Variants in NARS2 observed in about 807,000 individuals in gnomAD.
The protein encoded by NARS2 is asparaginyl-tRNA synthetase.
A neutral mutation model predicts 62.9 loss-of-function variants in NARS2; 60 were observed. That is an observed-to-expected ratio of 0.95 (90% CI 0.77 to 1.18). The LOEUF (loss-of-function observed/expected upper bound fraction) is 1.18, where lower values mean the gene tolerates loss of function less well. Among genes scored for constraint, NARS2 ranks in the 50% most tolerant of loss-of-function variants. The probability of loss-of-function intolerance (pLI) is 0.00; values close to 1 mark genes in which losing one functional copy is unlikely to be tolerated. For missense variants in NARS2, 619 were observed against 576.4 expected (o/e 1.07, Z -0.76); for synonymous variants, 196 against 200.0 (o/e 0.98, Z 0.17).
chr11:78,505,081 A>G (rs1860435753), intron 6 of NARS2, among the ~76,000 whole-genome samples: 1 of 151,964 alleles, frequency 6.6e-6, no homozygotes, highest in Non-Finnish European at 1.5e-5. Flanking sequence ...AAACCACTAA[A>G]TTTTCTGAAT....
At chr11:78,543,367 C>G (rs4945291) in intron 5 of NARS2, among the ~76,000 whole-genome samples, 1 of 151,922 alleles carries the variant, frequency 6.6e-6, no homozygotes, top group Non-Finnish European at 1.5e-5. Context: ...CCAACAAAAA[C>G]CAATTTCCCC....
In NARS2 at chr11:78,475,580, CTTT is replaced by C. The variant is rs377023107; in HGVS notation, c.959+2855_959+2857del. Among the ~76,000 whole-genome samples, 777 of 93,712 alleles carry C rather than the reference CTTT, an allele frequency of 8.3e-3. 1 individual carries two copies. Among genetic ancestry groups the C allele is most frequent in the African/African-American group, 0.031 (735 of 23,526 alleles). The allele number at this position is 93,712 out of a possible 152,430, so 61.5% of individuals were successfully genotyped here. A position where few individuals can be genotyped will look rare whatever the true frequency, so the allele number is the denominator to read the frequency against. ...TTTGCCAACACCTGTTATCATTTGACTTTTTTTTTTTTTTTTTTTTTTTTTTTT... is the reference window on the plus strand; with the variant it reads ...TTTGCCAACACCTGTTATCATTTGACTTTTTTTTTTTTTTTTTTTTTTTTT... On this transcript the variant is annotated intron_variant, in intron 9 of 13. Coordinates refer to ENST00000281038, the MANE Select transcript of NARS2 (RefSeq NM_024678.6).
chr11:78,554,508 C>CGTGCGTGTGTGTGT (rs112168447), intron 5 of NARS2, among the ~76,000 whole-genome samples: 22 of 146,914 alleles, frequency 1.5e-4, no homozygotes, highest in Non-Finnish European at 2.2e-4. Flanking sequence ...GGCGTGTGTG[C>CGTGCGTGTGTGTGT]GTGTGTGTGT....
intron 9 of NARS2, among the ~76,000 whole-genome samples, chr11:78,473,032 G>T (rs1055249445): frequency 2.6e-5 from 4 of 152,162 alleles, no homozygotes; most frequent in Non-Finnish European, 5.9e-5. Context: ...CGGGTGTGGT[G>T]GCCTGCACCA....
At chr11:78,523,559 A>C (rs189008525) in intron 6 of NARS2, among the ~76,000 whole-genome samples, 1 of 152,326 alleles carries the variant, frequency 6.6e-6, no homozygotes, top group Admixed American at 6.5e-5. Context: ...AGTAGAAACA[A>C]CCCAAATGCT....
chr11:78,463,368 G>A (rs1296218802), intron 11 of NARS2, among the ~76,000 whole-genome samples: 1 of 152,124 alleles, frequency 6.6e-6, no homozygotes, highest in East Asian at 1.9e-4. Flanking sequence ...CCATGTTATA[G>A]CTAATTTTGT....
At chr11:78,450,557 G>C (rs1483018492) in intron 11 of NARS2, among the ~76,000 whole-genome samples, 3 of 151,502 alleles carry the variant, frequency 2.0e-5, no homozygotes, top group Non-Finnish European at 2.9e-5. Context: ...TATCTTTTGA[G>C]CAAAGCATTC....
At chr11:78,524,131 T>C (rs1301084828) in intron 6 of NARS2, among the ~76,000 whole-genome samples, 2 of 152,130 alleles carry the variant, frequency 1.3e-5, no homozygotes, top group African/African-American at 2.4e-5. Context: ...CTTTAAAATA[T>C]TTTTTAAAAA....
chr11:78,499,573 G>A (rs1860206380), intron 6 of NARS2, among the ~76,000 whole-genome samples: 1 of 152,202 alleles, frequency 6.6e-6, no homozygotes. Flanking sequence ...AACAGCATCA[G>A]TTTTTAAAAA....
At chr11:78,466,702 T>C (rs1207173805) in intron 10 of NARS2, among the ~76,000 whole-genome samples, 1 of 152,104 alleles carries the variant, frequency 6.6e-6, no homozygotes, top group Non-Finnish European at 1.5e-5. Context: ...AGGCTGGTCT[T>C]GAACTCCTGA....
chr11:78,511,652 G>A (rs1196258107), intron 6 of NARS2, among the ~76,000 whole-genome samples: 1 of 151,862 alleles, frequency 6.6e-6, no homozygotes, highest in Non-Finnish European at 1.5e-5. Context: ...CGGAGGCGGA[G>A]CTTGCAGTGA....
chr11:78,509,053 T>G (rs1271609875), intron 6 of NARS2, among the ~76,000 whole-genome samples: 1 of 150,456 alleles, frequency 6.6e-6, no homozygotes. Flanking sequence ...AGGTGGAGGT[T>G]GCAGTGAGCC....
At chr11:78,454,873 T>G (rs1225883569) in intron 11 of NARS2, among the ~76,000 whole-genome samples, 1 of 152,150 alleles carries the variant, frequency 6.6e-6, no homozygotes, top group South Asian at 2.1e-4. Context: ...TGCCTTGGCC[T>G]CCCAAAGTGC....
intron 5 of NARS2, among the ~76,000 whole-genome samples, chr11:78,545,601 T>A (rs1855839979): frequency 1.3e-5 from 2 of 148,634 alleles, no homozygotes; most frequent in Admixed American, 1.3e-4. Flanking sequence ...CTCGGCTCAC[T>A]GCAACCTCCA....
intron 1 of NARS2, 25 bp from the exon 2 acceptor site, chr11:78,571,469 G>A: frequency 6.5e-7 from 1 of 1,535,714 alleles, no homozygotes; most frequent in East Asian, 2.3e-5. Flanking sequence ...TATTTCCAAT[G>A]TGAGCGTAAA....
At chr11:78,458,920 TG>T (rs1858275012) in intron 11 of NARS2, among the ~76,000 whole-genome samples, 1 of 151,072 alleles carries the variant, frequency 6.6e-6, no homozygotes, top group Non-Finnish European at 1.5e-5. Context: ...TTTTTTTGTT[TG>T]TTTGTTTGTT....
chr11:78,542,795 A>G (rs1855675201), intron 5 of NARS2, among the ~76,000 whole-genome samples: 1 of 152,168 alleles, frequency 6.6e-6, no homozygotes, highest in Non-Finnish European at 1.5e-5. Context: ...GTAACTCTAG[A>G]GGCTGGAGTG....
chr11:78,569,004 C>A (rs1856831715), intron 2 of NARS2, among the ~76,000 whole-genome samples: 1 of 152,118 alleles, frequency 6.6e-6, no homozygotes, highest in Non-Finnish European at 1.5e-5. Flanking sequence ...AGAGGTTGTA[C>A]AATTGCCCTT....
intron 5 of NARS2, among the ~76,000 whole-genome samples, 181 bp from the exon 6 acceptor site, chr11:78,529,117 TA>T (rs554842704): frequency 2.6e-4 from 39 of 152,280 alleles, no homozygotes; most frequent in African/African-American, 9.4e-4. Flanking sequence ...AAAGTGCTAA[TA>T]AAGGCAAGGA....
Sources: allele counts gnomAD v4.1 joint callset (sites outside exome capture counted in the v4.1 genomes callset), GRCh38; gene constraint gnomAD v4.1.1; transcripts MANE v1.5; gene names NCBI Gene and HGNC (gene_info 2026-07-23, HGNC 2026-07-21).